The following FHIP2A variants were observed in gnomAD, a reference collection of about 807,000 sequenced individuals.
The protein encoded by FHIP2A is family with sequence similarity 160 member B1.
A neutral mutation model predicts 93.5 loss-of-function variants in FHIP2A; 46 were observed. That is an observed-to-expected ratio of 0.49 (90% CI 0.39 to 0.63). The LOEUF (loss-of-function observed/expected upper bound fraction) is 0.63, where lower values mean the gene tolerates loss of function less well. Among genes scored for constraint, FHIP2A ranks in the 20% least tolerant of loss-of-function variants. The probability of loss-of-function intolerance (pLI) is 0.00; values close to 1 mark genes in which losing one functional copy is unlikely to be tolerated. For missense variants in FHIP2A, 769 were observed against 909.7 expected (o/e 0.85, Z 1.99); for synonymous variants, 332 against 326.5 (o/e 1.02, Z -0.18).
chr10:114,865,347 TTTTC>T (rs930219904), downstream of FHIP2A, among the ~76,000 whole-genome samples: 25 of 152,164 alleles, frequency 1.6e-4, no homozygotes, highest in Admixed American at 9.8e-4. Flanking sequence ...ATATAAAAAC[TTTTC>T]TTTTTAGCTG....
intron 5 of FHIP2A, among the ~76,000 whole-genome samples, chr10:114,837,102 C>G (rs567483523): frequency 2.6e-5 from 4 of 152,148 alleles, no homozygotes; most frequent in African/African-American, 9.6e-5. Flanking sequence ...CAGTGTCTCC[C>G]TGTGTTGTCC....
chr10:114,883,837 C>T lies in FHIP2A; in HGVS notation c.2193-15653C>T, dbSNP rs572076305. Among the ~76,000 whole-genome samples, 195 of 152,274 alleles carry T rather than the reference C, an allele frequency of 1.3e-3. 2 individuals carry two copies. The highest frequency in any genetic ancestry group is 4.6e-3 in the African/African-American group (190 of 41,556). ...TCAGGTGATCCACCCGCCTTGGCCT[C>T]CCAAAGTGCGGAGATTACGGGTATG... is the stretch of plus-strand genomic sequence containing the variant. On this transcript the variant is annotated intron_variant, in intron 16 of 16. Coordinates refer to the FHIP2A transcript ENST00000369250.
chr10:114,895,488 G>A (rs1476340920), intron 16 of FHIP2A, among the ~76,000 whole-genome samples: 1 of 152,132 alleles, frequency 6.6e-6, no homozygotes, highest in Non-Finnish European at 1.5e-5. Context: ...TTTTCCATGG[G>A]TAAGCAGTAA....
intron 16 of FHIP2A, among the ~76,000 whole-genome samples, chr10:114,894,809 C>A (rs933503310): frequency 1.3e-5 from 2 of 152,068 alleles, no homozygotes; most frequent in African/African-American, 4.8e-5. Context: ...AAACTGGGAA[C>A]GACCTAGAGT....
Position 114,860,813 on chromosome 10 carries a change from A to G in FHIP2A, c.2012A>G (p.His671Arg). Residue 671 changes from histidine to arginine, a missense_variant, in exon 15 of 17, where the codon CAC becomes CGC. Physicochemically the swap from His to Arg is conservative, Grantham distance 29. Coordinates refer to ENST00000369248, the MANE Select transcript of FHIP2A (RefSeq NM_020940.4). ...AGACTTTCTCTCTTCCCTCATCCAC[A>G]CATCCACGAGTACCTTTTGGATCCT... is the stretch of plus-strand genomic sequence containing the variant. ...LSRLSLFPHP[H>R]IHEYLLDPYV... 1.2e-6 allele frequency: 2 copies of G among 1,608,848 alleles called. No individual in the cohort carries two copies. The highest frequency in any genetic ancestry group is 1.7e-6 in the Non-Finnish European group (2 of 1,175,234).
intron 16 of FHIP2A, among the ~76,000 whole-genome samples, chr10:114,877,097 C>A (rs554102020): frequency 2.0e-5 from 3 of 152,246 alleles, no homozygotes; most frequent in Admixed American, 6.5e-5. Context: ...CCGACACATC[C>A]GGGCAAGGAC....
At chr10:114,845,990 A>T (rs74531022) in intron 8 of FHIP2A, 23 bp from the exon 9 acceptor site, 4 of 1,547,290 alleles carry the variant, frequency 2.6e-6, no homozygotes, top group South Asian at 2.4e-5. Context: ...AAAAAAAAAA[A>T]TGATGTTCCT....
chr10:114,839,947 G>A lies in FHIP2A; in HGVS notation c.523-2986G>A, dbSNP rs2083659762. Among the ~76,000 whole-genome samples, 2 of 150,616 alleles carry A rather than the reference G, an allele frequency of 1.3e-5. 1 individual carries two copies. The highest frequency in any genetic ancestry group is 1.3e-4 in the Admixed American group (2 of 15,132). ...CTAAAGGAGTTTACAGTCTGGTGAAGACAGTAAATGAATGTTCAGATACTG... is the reference window on the plus strand; with the variant it reads ...CTAAAGGAGTTTACAGTCTGGTGAAAACAGTAAATGAATGTTCAGATACTG... On this transcript the variant is annotated intron_variant, in intron 5 of 16. Transcript: ENST00000369248.
rs757102726 is a variant in FHIP2A at position 114,864,685 on chromosome 10, A to G, written c.*3145A>G. 14 of 984,824 alleles carry G rather than the reference A, an allele frequency of 1.4e-5. No homozygotes were observed. The highest frequency in any genetic ancestry group is 1.6e-5 in the Non-Finnish European group (13 of 829,370). The allele number at this position is 984,824 out of a possible 1,614,324, so 61.0% of individuals were successfully genotyped here. On this transcript the variant is annotated 3_prime_UTR_variant, in exon 17 of 17. Coordinates refer to ENST00000369248, the MANE Select transcript of FHIP2A (RefSeq NM_020940.4). ...AATGCATGCAGGACTAAGAGGGATG[A>G]TCTAAAAAATAAATAATGTAATTTA...
chr10:114,858,437 A>C (rs2083779420), intron 14 of FHIP2A, among the ~76,000 whole-genome samples: 1 of 152,182 alleles, frequency 6.6e-6, no homozygotes, highest in Admixed American at 6.5e-5. Flanking sequence ...TCTAAATAGT[A>C]ATGTATTTGT....
Position 114,839,604 on chromosome 10 carries a change from C to T in FHIP2A, c.523-3329C>T, listed in dbSNP as rs1469521329. Among the ~76,000 whole-genome samples, 5 of 152,058 alleles carry T rather than the reference C, an allele frequency of 3.3e-5. No individual in the cohort carries two copies. In the South Asian group the frequency reaches 6.2e-4, roughly 19 times the overall value. On this transcript the variant is annotated intron_variant, in intron 5 of 16. Coordinates refer to ENST00000369248, the MANE Select transcript of FHIP2A (RefSeq NM_020940.4). Reference sequence around the variant, plus strand: ...TTAGAAACAGTCTTTGCCGGCCGGGCGCGGTGGCTCATGCCTGTAATCCCA... The same window carrying T: ...TTAGAAACAGTCTTTGCCGGCCGGGTGCGGTGGCTCATGCCTGTAATCCCA...
chr10:114,887,016 C>G (rs1289565335), intron 16 of FHIP2A, among the ~76,000 whole-genome samples: 5 of 152,174 alleles, frequency 3.3e-5, no homozygotes. Context: ...AAAGGTGAGA[C>G]TTGAAGCATC....
intron 14 of FHIP2A, among the ~76,000 whole-genome samples, chr10:114,855,719 CT>C (rs1409534150): frequency 6.6e-6 from 1 of 152,160 alleles, no homozygotes; most frequent in Non-Finnish European, 1.5e-5. Flanking sequence ...CAGATTGAAT[CT>C]TGAACACTGG....
At chr10:114,891,622 TA>T (rs34804816) in intron 16 of FHIP2A, among the ~76,000 whole-genome samples, 43,868 of 148,752 alleles carry the variant, frequency 0.29, 7,429 homozygotes, top group Middle Eastern at 0.42. Flanking sequence ...TGTATATACA[TA>T]TTTTTTTTTT....
intron 16 of FHIP2A, among the ~76,000 whole-genome samples, chr10:114,888,251 C>T (rs966420357): frequency 3.3e-5 from 5 of 152,108 alleles, no homozygotes; most frequent in South Asian, 2.1e-4. Flanking sequence ...CTGAGTGTAC[C>T]GTTTGCTTCC....
intron 4 of FHIP2A, 87 bp downstream of exon 4, chr10:114,835,728 T>C: frequency 1.2e-6 from 1 of 860,492 alleles, no homozygotes; most frequent in Admixed American, 2.9e-5. Context: ...AGAGTAAAAA[T>C]AATGAAATTA....
chr10:114,875,964 A>G (rs1324640126), intron 16 of FHIP2A, among the ~76,000 whole-genome samples: 1 of 151,770 alleles, frequency 6.6e-6, no homozygotes, highest in Non-Finnish European at 1.5e-5. Context: ...AAAGGAAAGA[A>G]GGTAGGAAGG....
At position 114,841,416 on chromosome 10, in the gene FHIP2A, C is replaced by T. The variant is rs550823852; in HGVS notation, c.523-1517C>T. ...CAAGTGATTATTCTGCCTCAGCCTCCCTGGTAGCTGGGATTGCAGGCACAT... is the reference window on the plus strand; with the variant it reads ...CAAGTGATTATTCTGCCTCAGCCTCTCTGGTAGCTGGGATTGCAGGCACAT... On this transcript the variant is annotated intron_variant, in intron 5 of 16. Coordinates refer to ENST00000369248, the MANE Select transcript of FHIP2A (RefSeq NM_020940.4). Among the ~76,000 whole-genome samples the T allele has an allele frequency of 5.3e-5, 8 of 151,622 alleles. No individual in the cohort carries two copies. In the South Asian group the frequency reaches 1.7e-3, roughly 32 times the overall value.
chr10:114,877,215 A>T (rs543504788), intron 16 of FHIP2A, among the ~76,000 whole-genome samples: 31 of 152,202 alleles, frequency 2.0e-4, no homozygotes, highest in Non-Finnish European at 3.5e-4. Flanking sequence ...CAGGCCTCTC[A>T]ACAGTTCCCG....
Sources: gnomAD v4.1 joint callset for allele counts (sites outside exome capture counted in the v4.1 genomes callset) on GRCh38, gnomAD v4.1.1 for gene constraint, MANE v1.5 for transcripts, NCBI Gene and HGNC (gene_info 2026-07-23, HGNC 2026-07-21) for gene names.